Variants in CSMD1 observed in about 807,000 individuals in gnomAD.
The protein encoded by CSMD1 is CUB and sushi domain-containing protein 1.
Under a neutral mutation model 417.5 loss-of-function variants are expected in CSMD1, and 213 were observed. The ratio of observed to expected loss-of-function variants is 0.51; its 90% CI spans 0.46 to 0.57. The LOEUF (loss-of-function observed/expected upper bound fraction) is 0.57, where lower values mean the gene tolerates loss of function less well. CSMD1 is among the 20% of genes least tolerant of loss of function. CSMD1 has a pLI of 0.00. For synonymous variants in CSMD1, 2,862 were observed against 1,736.8 expected (o/e 1.65, Z -16.11); for missense variants, 6,923 against 4,529.7 (o/e 1.53, Z -15.17).
Position 4,360,392 on chromosome 8 carries a change from C to T in CSMD1, c.415+59561G>A, listed in dbSNP as rs7832387. Among the ~76,000 whole-genome samples the T allele has an allele frequency of 9.1e-3, 1,385 of 152,296 alleles. 21 individuals carry two copies. Among genetic ancestry groups the T allele is most frequent in the African/African-American group, 0.031 (1,278 of 41,556 alleles). On this transcript the variant is annotated intron_variant, in intron 3 of 69. Transcript: ENST00000635120. ...TACCCTAATTGTAAGTTACTGCAAACTCCATCTATAAAACAGTATTTGTGG... is the reference window on the plus strand; with the variant it reads ...TACCCTAATTGTAAGTTACTGCAAATTCCATCTATAAAACAGTATTTGTGG...
chr8:4,433,898 A>G (rs908361177), intron 2 of CSMD1, among the ~76,000 whole-genome samples: 1 of 152,160 alleles, frequency 6.6e-6, no homozygotes, highest in Admixed American at 6.5e-5. Context: ...CAATCCTACA[A>G]AAGTCAGGAT....
In CSMD1 at chr8:3,669,560, G is replaced by C. The variant is rs192049397; in HGVS notation, c.1009+38854C>G. ...GAGAAACCTCAGGTTTTCAGAAGGA[G>C]GGGAATGTAGCCTGAATGAGACTCT... On this transcript the variant is annotated intron_variant, in intron 7 of 69. Coordinates refer to ENST00000635120, the MANE Select transcript of CSMD1 (RefSeq NM_033225.6). Among the ~76,000 whole-genome samples the C allele has an allele frequency of 3.7e-4, 57 of 152,316 alleles. No individual in the cohort carries two copies. The East Asian group carries it at 7.3e-3, about 20-fold the overall frequency.
rs1336400853 is a variant in CSMD1 at position 3,553,936 on chromosome 8, G to T, written c.1344+21009C>A. ...GTAAAGGCAGACTTCTACGTAATGGGGCAAAACAGAATGTAATTTGTACAT... is the reference window on the plus strand; with the variant it reads ...GTAAAGGCAGACTTCTACGTAATGGTGCAAAACAGAATGTAATTTGTACAT... On this transcript the variant is annotated intron_variant, in intron 10 of 69. Coordinates refer to ENST00000635120, the MANE Select transcript of CSMD1 (RefSeq NM_033225.6). 3.3e-5 allele frequency among the ~76,000 whole-genome samples: 5 copies of T among 152,196 alleles called. No homozygotes were observed. In the East Asian group the frequency reaches 7.7e-4, roughly 23 times the overall value.
At position 3,230,689 on chromosome 8, in the gene CSMD1, G is replaced by A. The variant is rs927605666; in HGVS notation, c.4154-458C>T. 2.6e-5 allele frequency among the ~76,000 whole-genome samples: 4 copies of A among 152,126 alleles called. No individual in the cohort carries two copies. In the South Asian group the frequency reaches 8.3e-4, roughly 32 times the overall value. On this transcript the variant is annotated intron_variant, in intron 26 of 69. Transcript: ENST00000635120. ...GTGATCCAATAACCTTTGTTGAGAT[G>A]CCAAGGGTGGAAGGTCTAGAGGAGA... is the stretch of plus-strand genomic sequence containing the variant.
At chr8:3,290,257 G>T (rs1584938418) in intron 25 of CSMD1, among the ~76,000 whole-genome samples, 1 of 147,270 alleles carries the variant, frequency 6.8e-6, no homozygotes, top group Admixed American at 6.7e-5. Flanking sequence ...AAGTCAGGTA[G>T]CGTGATGCCT....
chr8:4,566,274 G>C (rs1449839814), intron 2 of CSMD1, among the ~76,000 whole-genome samples: 4 of 152,082 alleles, frequency 2.6e-5, no homozygotes, highest in East Asian at 1.9e-4. Context: ...GCACCATCTA[G>C]TAAGTTATTG....
chr8:3,020,795 A>T (rs1809305702), intron 51 of CSMD1, among the ~76,000 whole-genome samples: 1 of 152,210 alleles, frequency 6.6e-6, no homozygotes, highest in South Asian at 2.1e-4. Context: ...CATCACGACC[A>T]GCACACTATT....
intron 3 of CSMD1, among the ~76,000 whole-genome samples, chr8:4,407,853 A>G (rs1796409989): frequency 6.6e-6 from 1 of 152,224 alleles, no homozygotes; most frequent in South Asian, 2.1e-4. Flanking sequence ...ATGAAAAATC[A>G]GATGTGGAAT....
chr8:3,255,063 TC>T (rs1411857188), intron 26 of CSMD1, among the ~76,000 whole-genome samples: 2 of 152,234 alleles, frequency 1.3e-5, no homozygotes, highest in Non-Finnish European at 2.9e-5. Context: ...TGGATGTCCT[TC>T]CTGTTTGTTA....
At chr8:3,308,637 G>A in intron 23 of CSMD1, 134 bp from the exon 24 acceptor site, 2 of 666,798 alleles carry the variant, frequency 3.0e-6, no homozygotes, top group South Asian at 4.2e-5. Context: ...AATTTACAAA[G>A]GGGAAAAGAA....
chr8:3,501,463 G>C (rs1325613009), intron 10 of CSMD1, among the ~76,000 whole-genome samples: 1 of 152,148 alleles, frequency 6.6e-6, no homozygotes, highest in Non-Finnish European at 1.5e-5. Context: ...AATTTTCCAA[G>C]ATTTAGAACT....
chr8:4,024,759 C>A (rs68128273), intron 4 of CSMD1, among the ~76,000 whole-genome samples: 26,112 of 152,066 alleles, frequency 0.17, 3,062 homozygotes, highest in African/African-American at 0.32. Flanking sequence ...CTGTGAAGTA[C>A]GGCATACATA....
intron 1 of CSMD1, among the ~76,000 whole-genome samples, chr8:4,929,231 G>C (rs35303772): frequency 0.28 from 42,280 of 152,066 alleles, 7,515 homozygotes; most frequent in Non-Finnish European, 0.4. Flanking sequence ...CTGTCTGAAA[G>C]CCAGCGAGAG....
chr8:4,238,348 T>C (rs939105944), intron 3 of CSMD1, among the ~76,000 whole-genome samples: 3 of 152,128 alleles, frequency 2.0e-5, no homozygotes, highest in African/African-American at 7.2e-5. Flanking sequence ...GTCCTCCAGC[T>C]CCCAGCAAGG....
chr8:2,937,068 A>G lies in CSMD1; in HGVS notation c.*1517T>C, dbSNP rs1342584002. The G allele has an allele frequency of 1.3e-5, 2 of 152,214 alleles. No individual in the cohort carries two copies. The highest frequency in any genetic ancestry group is 3.8e-4 in the East Asian group (2 of 5,198). 9.4% of individuals were successfully genotyped at this position (152,214 alleles called of 1,614,324 possible). ...CAAATAAGTATAAGTAAAAGTAAAC[A>G]TGATTTTCACTTTGAATTTGTTACA... On this transcript the variant is annotated 3_prime_UTR_variant, in exon 70 of 70. Coordinates refer to ENST00000635120, the MANE Select transcript of CSMD1 (RefSeq NM_033225.6).
chr8:4,582,999 TC>T (rs1175194971), intron 2 of CSMD1, among the ~76,000 whole-genome samples: 13 of 152,136 alleles, frequency 8.5e-5, no homozygotes, highest in Middle Eastern at 6.8e-3. Flanking sequence ...GTGTACTGAA[TC>T]CCCCAGCAGT....
chr8:3,465,320 G>A (rs1013650790), intron 12 of CSMD1, among the ~76,000 whole-genome samples: 1 of 152,168 alleles, frequency 6.6e-6, no homozygotes, highest in Non-Finnish European at 1.5e-5. Context: ...CAGGCATCTT[G>A]AGGGGATGGA....
intron 12 of CSMD1, among the ~76,000 whole-genome samples, chr8:3,454,590 A>G (rs1815980741): frequency 6.6e-6 from 1 of 152,162 alleles, no homozygotes; most frequent in African/African-American, 2.4e-5. Context: ...TTGGCTGGAT[A>G]TGAAATTCTG....
rs2128929474 is a variant in CSMD1, at chr8:2,967,196, A to G, written c.8924-450T>C. ...ACTGTATTTTTTTAAAATCTAGGCA[A>G]TTCAGGTCCTATTTTACATCTCCAG... is the stretch of plus-strand genomic sequence containing the variant. On this transcript the variant is annotated intron_variant, in intron 57 of 69. Coordinates refer to ENST00000635120, the MANE Select transcript of CSMD1 (RefSeq NM_033225.6). Among the ~76,000 whole-genome samples, 2 of 152,330 alleles carry G rather than the reference A, an allele frequency of 1.3e-5. 1 individual carries two copies. Among genetic ancestry groups the G allele is most frequent in the South Asian group, 4.1e-4 (2 of 4,822 alleles).
Sources: gnomAD v4.1 joint callset for allele counts (sites outside exome capture counted in the v4.1 genomes callset) on GRCh38, gnomAD v4.1.1 for gene constraint, MANE v1.5 for transcripts, NCBI Gene and HGNC (gene_info 2026-07-23, HGNC 2026-07-21) for gene names.